The following KIAA1614 variants were observed in gnomAD, a reference collection of about 807,000 sequenced individuals.
KIAA1614 encodes uncharacterized protein KIAA1614.
KIAA1614 carries 76 observed loss-of-function variants against 88.7 expected under a neutral mutation model. That is an observed-to-expected ratio of 0.86 (90% CI 0.71 to 1.04). KIAA1614 has a LOEUF of 1.04. Among genes scored for constraint, KIAA1614 ranks in the 50% least tolerant of loss-of-function variants. KIAA1614 has a pLI of 0.00. For synonymous variants in KIAA1614, 714 were observed against 675.5 expected (o/e 1.06, Z -0.88); for missense variants, 1,553 against 1,582.5 (o/e 0.98, Z 0.32).
intron 3 of KIAA1614, among the ~76,000 whole-genome samples, chr1:180,927,329 G>T (rs543672367): frequency 1.3e-5 from 2 of 152,196 alleles, no homozygotes; most frequent in South Asian, 4.1e-4. Flanking sequence ...CCCAAAGAGC[G>T]CATCTGCCCC....
rs560670581 is a variant in KIAA1614, at chr1:180,930,070, G to A, written c.1205+1497G>A. Among the ~76,000 whole-genome samples, 11 of 152,274 alleles carry A rather than the reference G, an allele frequency of 7.2e-5. No homozygotes were observed. In the South Asian group the frequency reaches 1.9e-3, roughly 26 times the overall value. ...AAGGGGTGCCAAACAGACTGCCCTT[G>A]TATTTCCACATTTTGGGCCTTGCCT... is the stretch of plus-strand genomic sequence containing the variant. On this transcript the variant is annotated intron_variant, in intron 4 of 8. Coordinates refer to ENST00000367588, the MANE Select transcript of KIAA1614 (RefSeq NM_020950.2).
intron 7 of KIAA1614, among the ~76,000 whole-genome samples, chr1:180,941,520 T>G (rs536331367): frequency 2.6e-5 from 4 of 152,080 alleles, no homozygotes; most frequent in Non-Finnish European, 5.9e-5. Context: ...CTGGGGTCAC[T>G]CTAGGCTACT....
At position 180,950,402 on chromosome 1, in the gene KIAA1614, G is replaced by T. The variant is rs747410832; in HGVS notation, c.*4814G>T. On this transcript the variant is annotated 3_prime_UTR_variant, in exon 9 of 9. Coordinates refer to ENST00000367588, the MANE Select transcript of KIAA1614 (RefSeq NM_020950.2). ...CAAGCTGTACTCAGGGCTGCTGGGG[G>T]TGGGCGATGAGATCCTCGAGGTGAA... 2.4e-6 allele frequency: 3 copies of T among 1,233,864 alleles called. No individual in the cohort carries two copies. The highest frequency in any genetic ancestry group is 2.8e-5 in the Admixed American group (1 of 36,154). 76.4% of individuals were successfully genotyped at this position (1,233,864 alleles called of 1,614,324 possible). A position where few individuals can be genotyped will look rare whatever the true frequency, so the allele number is the denominator to read the frequency against.
rs771011797 is a variant in KIAA1614 at position 180,936,194 on chromosome 1, G to A, written c.2285G>A (p.Gly762Asp). ...PMTPESSGPG[G>D]QAQVTESHES... ...ACGCCTGAATCATCGGGGCCAGGAG[G>A]CCAGGCCCAGGTTACAGAAAGCCAC... Residue 762 changes from glycine (G) to aspartate (D), a missense_variant, in exon 5 of 9, where the codon GGC (glycine) becomes GAC (aspartate). Coordinates refer to ENST00000367588, the MANE Select transcript of KIAA1614 (RefSeq NM_020950.2). 1 of 1,614,040 alleles carries A rather than the reference G, an allele frequency of 6.2e-7. No individual in the cohort carries two copies. Among genetic ancestry groups the A allele is most frequent in the African/African-American group, 1.3e-5 (1 of 74,928 alleles).
Position 180,935,336 on chromosome 1 carries a change from T to C in KIAA1614, c.1427T>C (p.Leu476Pro). The stretch of plus-strand genomic sequence containing the variant: ...CTGCAGCAGCGCCAGCGCCAGGTGC[T>C]GAGCACCGTGTTGCAGGCCGCGGAC... ...ERLQQRQRQV[L>P]STVLQAADQG... The change falls in exon 5 of 9, where the codon CTG becomes CCG. Residue 476 changes from leucine (L) to proline (P), a missense_variant. By Grantham distance (98) the Leu-to-Pro change is moderately conservative. Coordinates refer to ENST00000367588, the MANE Select transcript of KIAA1614 (RefSeq NM_020950.2). The surrounding 1 kb of genome is among the most constrained non-coding windows in gnomAD (Gnocchi z 6.1). 3 of 1,479,124 alleles carry C rather than the reference T, an allele frequency of 2.0e-6. No individual in the cohort carries two copies. Among genetic ancestry groups the C allele is most frequent in the Non-Finnish European group, 2.7e-6 (3 of 1,118,496 alleles). 91.6% of individuals were successfully genotyped at this position (1,479,124 alleles called of 1,614,324 possible). A position where few individuals can be genotyped will look rare whatever the true frequency, so the allele number is the denominator to read the frequency against.
At position 180,936,267 on chromosome 1, in the gene KIAA1614, A is replaced by C. The variant is rs777486456; in HGVS notation, c.2358A>C (p.Ala786=). 6 of 1,614,212 alleles carry C rather than the reference A, an allele frequency of 3.7e-6. No individual in the cohort carries two copies. Among genetic ancestry groups the C allele is most frequent in the Non-Finnish European group, 5.1e-6 (6 of 1,180,026 alleles). Residue 786 remains alanine, a synonymous_variant, in exon 5 of 9, where the codon GCA becomes GCC. Transcript: ENST00000367588. ...VSPSSLQQSH[A]EPSAPHQAWQ... is the part of the protein sequence containing the mutation. ...CTTCCTCCCTGCAACAGAGCCATGC[A>C]GAGCCTTCTGCCCCACACCAAGCCT...
Position 180,942,411 on chromosome 1 carries a change from C to A in KIAA1614, c.3159+1126C>A, listed in dbSNP as rs559162175. 6.6e-5 allele frequency among the ~76,000 whole-genome samples: 10 copies of A among 152,308 alleles called. No individual in the cohort carries two copies. The East Asian group carries it at 1.9e-3, about 29-fold the overall frequency. ...CTAATTCCCTCCCCGCTCTCCTAGGCAGAGTGAAGCAGGTGAGAGCGGTTT... is the reference window on the plus strand; with the variant it reads ...CTAATTCCCTCCCCGCTCTCCTAGGAAGAGTGAAGCAGGTGAGAGCGGTTT... On this transcript the variant is annotated intron_variant, in intron 7 of 8. Coordinates refer to ENST00000367588, the MANE Select transcript of KIAA1614 (RefSeq NM_020950.2).
Position 180,917,030 on chromosome 1 carries a change from C to T in KIAA1614, c.927C>T (p.Asn309=), listed in dbSNP as rs538856835. The change falls in exon 2 of 9, where the codon AAC becomes AAT. Residue 309 remains asparagine, a synonymous_variant. Transcript: ENST00000367588. ...GCCTGTTGCTGCAGGAGATGCTCAA[C>T]GTTTCTGGGCAGAGCCCCCGCAAGG... is the stretch of plus-strand genomic sequence containing the variant. ...RNRLLLQEML[N]VSGQSPRKVG... is the part of the protein sequence containing the mutation. 2.9e-5 allele frequency: 47 copies of T among 1,613,890 alleles called. No homozygotes were observed. The highest frequency in any genetic ancestry group is 6.7e-5 in the Admixed American group (4 of 60,030).
chr1:180,917,997 C>G (rs1348785464), intron 3 of KIAA1614, 83 bp downstream of exon 3: 1 of 1,199,400 alleles, frequency 8.3e-7, no homozygotes, highest in African/African-American at 1.5e-5. Flanking sequence ...CAGTAAGAGA[C>G]CTCCCAAAGT....
At chr1:180,929,957 C>A (rs1276310542) in intron 4 of KIAA1614, among the ~76,000 whole-genome samples, 1 of 152,190 alleles carries the variant, frequency 6.6e-6, no homozygotes, top group Non-Finnish European at 1.5e-5. Flanking sequence ...AGGCTAAGGA[C>A]CTTCATGGAA....
Position 180,941,200 on chromosome 1 carries a change from G to C in KIAA1614, c.3074G>C (p.Arg1025Pro). The C allele has an allele frequency of 4.3e-6, 7 of 1,613,836 alleles. No individual in the cohort carries two copies. Among genetic ancestry groups the C allele is most frequent in the Non-Finnish European group, 5.9e-6 (7 of 1,179,964 alleles). The change falls in exon 7 of 9, where the codon CGC becomes CCC. Residue 1025 changes from arginine to proline, a missense_variant. Physicochemically the swap from Arg to Pro is moderately radical, Grantham distance 103. Transcript: ENST00000367588. Reference protein sequence around the residue: ...QSSRPKLGKSRSYSVEQLQPA... With the variant: ...QSSRPKLGKSPSYSVEQLQPA... ...TCCCGGCCCAAGCTGGGCAAGTCCC[G>C]CAGCTACAGTGTGGAGCAGTTGCAG...
chr1:180,928,450 AG>A lies in KIAA1614; in HGVS notation c.1083del (p.Glu361AspfsTer4). The A allele has an allele frequency of 6.2e-7, 1 of 1,612,920 alleles. No individual in the cohort carries two copies. The highest frequency in any genetic ancestry group is 1.3e-5 in the African/African-American group (1 of 75,042). On this transcript the variant is annotated frameshift_variant, in exon 4 of 9. Transcript: ENST00000367588. LOFTEE classifies it high-confidence loss of function. Reference protein sequence around the residue: ...GQNRTVGPNPEPVLSPRHEEA... With the variant: ...GQNRTVGPNPXPVLSPRHEEA... ...TGCAGGACCGTTGGTCCCAACCCGG[AG>A]CCTGTGCTGAGCCCCAGGCATGAGG...
In KIAA1614 at chr1:180,917,308, G is replaced by T. The variant is rs150764127; in HGVS notation, c.997+208G>T. The stretch of plus-strand genomic sequence containing the variant: ...CCTCACAGGCAGCCTGTCTGCCGAA[G>T]CCCCCCATGACCCTGCAGACCAATA... On this transcript the variant is annotated intron_variant, in intron 2 of 8. Transcript: ENST00000367588. Among the ~76,000 whole-genome samples the T allele has an allele frequency of 1.6e-3, 247 of 152,270 alleles. 6 individuals are homozygous for T. In the East Asian group the frequency reaches 0.044, roughly 27 times the overall value.
intron 1 of KIAA1614, among the ~76,000 whole-genome samples, chr1:180,914,957 G>GC (rs1653744959): frequency 6.6e-6 from 1 of 151,884 alleles, no homozygotes; most frequent in South Asian, 2.1e-4. Context: ...GTGAGCCACC[G>GC]CGCCTAGCCA....
Position 180,935,026 on chromosome 1 carries a change from T to C in KIAA1614, c.1206-89T>C. 1.0e-6 allele frequency: 1 copy of C among 957,492 alleles called. No homozygotes were observed. Among genetic ancestry groups the C allele is most frequent in the Non-Finnish European group, 1.4e-6 (1 of 717,498 alleles). The allele number at this position is 957,492 out of a possible 1,614,324, so 59.3% of individuals were successfully genotyped here. A position where few individuals can be genotyped will look rare whatever the true frequency, so the allele number is the denominator to read the frequency against. Reference sequence around the variant, plus strand: ...TGCCACAGAGCACGGTGGGAGACTGTAGCCCAGGGTGGAGAGGGTAGGGCC... The same window carrying C: ...TGCCACAGAGCACGGTGGGAGACTGCAGCCCAGGGTGGAGAGGGTAGGGCC... On this transcript the variant is annotated intron_variant, in intron 4 of 8. Transcript: ENST00000367588. The surrounding 1 kb of genome is among the most constrained non-coding windows in gnomAD (Gnocchi z 6.1).
chr1:180,940,667 ACT>A (rs556894307), intron 6 of KIAA1614, among the ~76,000 whole-genome samples: 1 of 115,190 alleles, frequency 8.7e-6, no homozygotes, highest in African/African-American at 3.3e-5. Context: ...CTTTTCCTTT[ACT>A]CTCTCTCTCT....
chr1:180,950,583 A>G lies in KIAA1614; in HGVS notation c.*4995A>G. On this transcript the variant is annotated 3_prime_UTR_variant, in exon 9 of 9. Transcript: ENST00000367588. ...GTCACGGCCTCGGAAGCCCTGAAGCACTCAGGGTGGTTGGCAGGAACGTGC... is the reference window on the plus strand; with the variant it reads ...GTCACGGCCTCGGAAGCCCTGAAGCGCTCAGGGTGGTTGGCAGGAACGTGC... 1 of 1,020,168 alleles carries G rather than the reference A, an allele frequency of 9.8e-7. No homozygotes were observed. The highest frequency in any genetic ancestry group is 1.2e-6 in the Non-Finnish European group (1 of 832,632). 63.2% of individuals were successfully genotyped at this position (1,020,168 alleles called of 1,614,324 possible). A position where few individuals can be genotyped will look rare whatever the true frequency, so the allele number is the denominator to read the frequency against.
At chr1:180,930,179 G>A (rs1172082056) in intron 4 of KIAA1614, among the ~76,000 whole-genome samples, 1 of 152,178 alleles carries the variant, frequency 6.6e-6, no homozygotes, top group Admixed American at 6.5e-5. Flanking sequence ...CACCACTTTG[G>A]GAGGCTGAGG....
rs1294049810 is a variant in KIAA1614, at chr1:180,945,405, C to T, written c.3390C>T (p.Gly1130=). 1 of 1,605,148 alleles carries T rather than the reference C, an allele frequency of 6.2e-7. No homozygotes were observed. Among genetic ancestry groups the T allele is most frequent in the Admixed American group, 1.7e-5 (1 of 57,404 alleles). The stretch of plus-strand genomic sequence containing the variant: ...GCCTGGTGGAGGTGTTCCCAGACGG[C>T]ACCAGCCAGCTGCAGCTGCAGCGCT... ...VGRLVEVFPD[G]TSQLQLQRSP... Residue 1130 remains glycine, a synonymous_variant, in exon 9 of 9, where the codon GGC becomes GGT. Transcript: ENST00000367588.
Sources: allele counts gnomAD v4.1 joint callset (sites outside exome capture counted in the v4.1 genomes callset), GRCh38; gene constraint gnomAD v4.1.1; non-coding constraint Gnocchi (gnomAD v3.1); transcripts MANE v1.5; gene names NCBI Gene and HGNC (gene_info 2026-07-23, HGNC 2026-07-21).